The following ARHGAP22 variants were observed in gnomAD, a reference collection of about 807,000 sequenced individuals.
The protein encoded by ARHGAP22 is rho GTPase-activating protein 22.
Under a neutral mutation model 59.1 loss-of-function variants are expected in ARHGAP22, and 48 were observed. That is an observed-to-expected ratio of 0.81 (90% confidence interval 0.64 to 1.03). The LOEUF (loss-of-function observed/expected upper bound fraction) is 1.03, where lower values mean the gene tolerates loss of function less well. Among genes scored for constraint, ARHGAP22 ranks in the 50% least tolerant of loss-of-function variants. The pLI, the probability that ARHGAP22 is intolerant of heterozygous loss-of-function variation, is 0.00. For synonymous variants in ARHGAP22, 445 were observed against 416.4 expected (o/e 1.07, Z -0.84); for missense variants, 1,015 against 958.7 (o/e 1.06, Z -0.78).
Position 48,652,402 on chromosome 10 carries a change from G to T in ARHGAP22, c.-117C>A, listed in dbSNP as rs145959357. ...CAGTAACAGGAGATCCACATCTATA[G>T]AAAAGAAATATATTTAGAATGCCCT... On this transcript the variant is annotated 5_prime_UTR_variant, in exon 1 of 10. Transcript: ENST00000435790. 994 of 837,760 alleles carry T rather than the reference G, an allele frequency of 1.2e-3. 11 individuals carry two copies. In the African/African-American group the frequency reaches 0.015, roughly 13 times the overall value. The allele number at this position is 837,760 out of a possible 1,614,324, so 51.9% of individuals were successfully genotyped here.
chr10:48,619,645 A>G (rs1232132780), intron 1 of ARHGAP22, among the ~76,000 whole-genome samples: 1 of 152,226 alleles, frequency 6.6e-6, no homozygotes, highest in Non-Finnish European at 1.5e-5. Flanking sequence ...TATGTGATCT[A>G]TGTGCAGATA....
intron 6 of ARHGAP22, among the ~76,000 whole-genome samples, chr10:48,454,740 C>T (rs1295948694): frequency 6.6e-6 from 1 of 152,134 alleles, no homozygotes; most frequent in East Asian, 1.9e-4. Context: ...ACCGGACCCA[C>T]CCCTCCCAGG....
At position 48,604,874 on chromosome 10, in the gene ARHGAP22, G is replaced by A; in HGVS notation, c.-78C>T. 1.2e-6 allele frequency: 2 copies of A among 1,609,242 alleles called. No homozygotes were observed. The highest frequency in any genetic ancestry group is 1.7e-6 in the Non-Finnish European group (2 of 1,179,194). On this transcript the variant is annotated 5_prime_UTR_variant, in exon 1 of 10. Coordinates refer to ENST00000249601, the MANE Select transcript of ARHGAP22 (RefSeq NM_021226.4). ...TTGCTTTTGCTCGTCCTCGCGCCTAGTCGCCCCTCATGTCCTGCTCGTTCG... is the reference window on the plus strand; with the variant it reads ...TTGCTTTTGCTCGTCCTCGCGCCTAATCGCCCCTCATGTCCTGCTCGTTCG...
chr10:48,605,189 G>C, upstream of ARHGAP22: 2 of 1,096,640 alleles, frequency 1.8e-6, no homozygotes, highest in Non-Finnish European at 2.2e-6. Context: ...CGCGGGGCGC[G>C]GTCCTGGCCC....
chr10:48,557,166 C>T (rs1345109), intron 2 of ARHGAP22, among the ~76,000 whole-genome samples: 1 of 152,214 alleles, frequency 6.6e-6, no homozygotes, highest in African/African-American at 2.4e-5. Context: ...ACTGGAAATA[C>T]ATTAGGATAG....
intron 4 of ARHGAP22, chr10:48,479,278 T>C (rs1464030583): frequency 6.1e-6 from 2 of 327,556 alleles, no homozygotes; most frequent in Non-Finnish European, 1.1e-5. Flanking sequence ...CTTTGTGACA[T>C]GTCTCACCCC....
intron 3 of ARHGAP22, among the ~76,000 whole-genome samples, chr10:48,498,332 G>A (rs1347742214): frequency 1.3e-5 from 2 of 152,084 alleles, no homozygotes; most frequent in African/African-American, 2.4e-5. Context: ...GTGTGCTGGC[G>A]AACAATGAAG....
At chr10:48,642,672 G>T (rs906542399) in intron 1 of ARHGAP22, among the ~76,000 whole-genome samples, 5 of 152,144 alleles carry the variant, frequency 3.3e-5, no homozygotes, top group Non-Finnish European at 5.9e-5. Flanking sequence ...CAGGACATAG[G>T]CATGGGCAAG....
intron 1 of ARHGAP22, among the ~76,000 whole-genome samples, chr10:48,620,652 T>G (rs2061253351): frequency 6.6e-6 from 1 of 152,200 alleles, no homozygotes; most frequent in Non-Finnish European, 1.5e-5. Flanking sequence ...TGCTGGGGTA[T>G]AAGCTGAAAT....
intron 3 of ARHGAP22, among the ~76,000 whole-genome samples, chr10:48,503,013 C>T (rs891510608): frequency 2.0e-5 from 3 of 152,216 alleles, no homozygotes; most frequent in Non-Finnish European, 2.9e-5. Flanking sequence ...GGCTTGGGCT[C>T]GCCTGGCTCT....
At chr10:48,605,175 G>A, upstream of ARHGAP22, 1 of 1,127,816 alleles carries the variant, frequency 8.9e-7, no homozygotes, top group South Asian at 2.6e-5. Context: ...GGGCCAGCCA[G>A]AGACGCGGGG....
At chr10:48,467,430 G>A (rs1390731698) in intron 4 of ARHGAP22, among the ~76,000 whole-genome samples, 1 of 151,900 alleles carries the variant, frequency 6.6e-6, no homozygotes, top group Admixed American at 6.6e-5. Context: ...AGGGATGGGA[G>A]TCCCAAGGGT....
intron 1 of ARHGAP22, among the ~76,000 whole-genome samples, chr10:48,617,293 T>A (rs7914542): frequency 0.37 from 56,643 of 151,850 alleles, 11,449 homozygotes; most frequent in African/African-American, 0.54. Flanking sequence ...TTAGACAGAT[T>A]ATTTAGACAG....
chr10:48,534,975 T>C (rs761227161), intron 3 of ARHGAP22, among the ~76,000 whole-genome samples: 5 of 152,202 alleles, frequency 3.3e-5, no homozygotes, highest in Non-Finnish European at 7.3e-5. Context: ...CATGAGACCC[T>C]GTATATGAAC....
At chr10:48,628,189 A>G (rs547038214) in intron 1 of ARHGAP22, among the ~76,000 whole-genome samples, 155 of 152,322 alleles carry the variant, frequency 1.0e-3, no homozygotes, top group African/African-American at 3.6e-3. Flanking sequence ...ACGCAGTCTC[A>G]GAACCAGCCC....
At chr10:48,455,960 C>A (rs1459796673) in intron 5 of ARHGAP22, among the ~76,000 whole-genome samples, 1 of 152,212 alleles carries the variant, frequency 6.6e-6, no homozygotes, top group Non-Finnish European at 1.5e-5. Context: ...GCCTCAGTCT[C>A]CCGCTCTGGC....
At chr10:48,453,568 AG>A in intron 7 of ARHGAP22, 143 bp from the exon 8 acceptor site, 1 of 1,248,556 alleles carries the variant, frequency 8.0e-7, no homozygotes, top group African/African-American at 1.5e-5. Flanking sequence ...TGCCTCTGCC[AG>A]GCTCGATGAG....
intron 2 of ARHGAP22, among the ~76,000 whole-genome samples, chr10:48,566,043 T>G (rs1029617153): frequency 6.6e-6 from 1 of 152,176 alleles, no homozygotes; most frequent in Non-Finnish European, 1.5e-5. Context: ...CAGTTTGAGG[T>G]CTTTGCAGTC....
At chr10:48,472,949 A>G (rs2048366175) in intron 4 of ARHGAP22, among the ~76,000 whole-genome samples, 1 of 152,238 alleles carries the variant, frequency 6.6e-6, no homozygotes, top group Admixed American at 6.5e-5. Context: ...TCCTCAAAAA[A>G]TTAAAAATAG....
Sources: allele counts gnomAD v4.1 joint callset (sites outside exome capture counted in the v4.1 genomes callset), GRCh38; gene constraint gnomAD v4.1.1; transcripts MANE v1.5; gene names NCBI Gene and HGNC (gene_info 2026-07-23, HGNC 2026-07-21).